EBF4: variants seen among roughly 807,000 people sequenced by gnomAD.
The protein encoded by EBF4 is EBF transcription factor 4.
A neutral mutation model predicts 67.1 loss-of-function variants in EBF4; 34 were observed. The ratio of observed to expected loss-of-function variants is 0.51; its 90% CI spans 0.39 to 0.67. EBF4 has a LOEUF of 0.67. Among genes scored for constraint, EBF4 ranks in the 30% least tolerant of loss-of-function variants. The pLI is 0.00. For missense variants in EBF4, 837 were observed against 873.3 expected (o/e 0.96, Z 0.52); for synonymous variants, 387 against 377.7 (o/e 1.02, Z -0.29).
chr20:2,709,097 G>T (rs2146393294), intron 5 of EBF4, among the ~76,000 whole-genome samples: 1 of 152,296 alleles, frequency 6.6e-6, no homozygotes, highest in Non-Finnish European at 1.5e-5. Flanking sequence ...TGAGGCACAA[G>T]AATTGCCTGA....
intron 6 of EBF4, among the ~76,000 whole-genome samples, chr20:2,733,527 C>T (rs1385643508): frequency 6.6e-6 from 1 of 152,186 alleles, no homozygotes; most frequent in East Asian, 1.9e-4. Context: ...TCTCTACTCT[C>T]CTTCTCAGAT....
downstream of EBF4, chr20:2,759,439 C>T (rs2088293220): frequency 4.6e-6 from 1 of 215,734 alleles, no homozygotes; most frequent in South Asian, 8.6e-5. Context: ...CTAGCAGCCC[C>T]ACAGGCTTCT....
At chr20:2,711,659 T>C (rs931698762) in intron 6 of EBF4, among the ~76,000 whole-genome samples, 1 of 152,214 alleles carries the variant, frequency 6.6e-6, no homozygotes, top group East Asian at 1.9e-4. Context: ...ATCTACTCTG[T>C]GCTAAGAACT....
In EBF4 at chr20:2,747,566, A is replaced by C. The variant is rs909383438; in HGVS notation, c.558-983A>C. Among the ~76,000 whole-genome samples the C allele has an allele frequency of 1.3e-5, 2 of 152,176 alleles. No homozygotes were observed. Among genetic ancestry groups the C allele is most frequent in the Non-Finnish European group, 2.9e-5 (2 of 68,040 alleles). ...GTACCACATGTCTGACAGATACACC[A>C]TGTGTATATGGTGGGTATGTGCTCT... On this transcript the variant is annotated intron_variant, in intron 6 of 16. Coordinates refer to ENST00000609451, the Ensembl canonical transcript of EBF4. This position sits in a 1 kb window ranked among gnomAD's most constrained non-coding sequence, Gnocchi z 4.6.
chr20:2,736,011 T>C (rs1466585369), intron 6 of EBF4, among the ~76,000 whole-genome samples: 1 of 152,198 alleles, frequency 6.6e-6, no homozygotes, highest in African/African-American at 2.4e-5. Flanking sequence ...GCCACACATA[T>C]TTATTGGGCA....
intron 6 of EBF4, among the ~76,000 whole-genome samples, chr20:2,717,188 T>C (rs1568572958): frequency 6.6e-6 from 1 of 152,210 alleles, no homozygotes; most frequent in Admixed American, 6.5e-5. Context: ...CTTTCACTAA[T>C]TCATTTATTC....
intron 6 of EBF4, among the ~76,000 whole-genome samples, chr20:2,744,327 A>C (rs2088014784): frequency 6.6e-6 from 1 of 152,044 alleles, no homozygotes; most frequent in Non-Finnish European, 1.5e-5. Flanking sequence ...ACAAATTAGC[A>C]CTTAACTTTA....
intron 6 of EBF4, among the ~76,000 whole-genome samples, chr20:2,710,207 G>C (rs374347326): frequency 5.3e-5 from 8 of 152,180 alleles, no homozygotes; most frequent in African/African-American, 1.9e-4. Flanking sequence ...AAAGTGCAGT[G>C]GTGTGGTCAT....
rs938009709 is a variant in EBF4 at position 2,707,199 on chromosome 20, G to A, written c.415-748G>A. Among the ~76,000 whole-genome samples, 1 of 152,078 alleles carries A rather than the reference G, an allele frequency of 6.6e-6. No homozygotes were observed. The stretch of plus-strand genomic sequence containing the variant: ...CATGGCCACTGGGCTGGGGGAGGCA[G>A]GCCAGGCAGTGCCTAGTGGAACTGT... On this transcript the variant is annotated intron_variant, in intron 4 of 16. Coordinates refer to ENST00000609451, the Ensembl canonical transcript of EBF4. This position sits in a 1 kb window ranked among gnomAD's most constrained non-coding sequence, Gnocchi z 4.6.
intron 6 of EBF4, among the ~76,000 whole-genome samples, chr20:2,721,282 GT>G (rs1376554776): frequency 2.8e-5 from 3 of 105,930 alleles, no homozygotes; most frequent in African/African-American, 1.1e-4. Flanking sequence ...TTTTCCCTCT[GT>G]GTTCGTTCTG....
chr20:2,722,493 G>A lies in EBF4; in HGVS notation c.557+12851G>A, dbSNP rs79024350. ...ACTAAATGTTCAAGGAGGTTCCTCC[G>A]CAAATCTCTAGGATACTCTTTGTAT... On this transcript the variant is annotated intron_variant, in intron 6 of 16. Transcript: ENST00000609451. Among the ~76,000 whole-genome samples, 224 of 152,172 alleles carry A rather than the reference G, an allele frequency of 1.5e-3. 1 individual carries two copies. Among genetic ancestry groups the A allele is most frequent in the African/African-American group, 5.2e-3 (216 of 41,526 alleles).
At chr20:2,754,470 C>G (rs1006444889) in intron 14 of EBF4, among the ~76,000 whole-genome samples, 1 of 152,146 alleles carries the variant, frequency 6.6e-6, no homozygotes, top group East Asian at 1.9e-4. Flanking sequence ...GGTCTCAAGC[C>G]CTTCATCGGG....
chr20:2,700,539 A>T (rs2087359344), intron 1 of EBF4, among the ~76,000 whole-genome samples: 1 of 152,194 alleles, frequency 6.6e-6, no homozygotes, highest in Admixed American at 6.5e-5. Context: ...TCTCTAAGCC[A>T]GTCTGAGAGC....
rs532820882 is a variant in EBF4, at chr20:2,747,546, A to C, written c.558-1003A>C. Reference sequence around the variant, plus strand: ...AAGACATTCACGGTGTCTCTGTACCACATGTCTGACAGATACACCATGTGT... The same window carrying C: ...AAGACATTCACGGTGTCTCTGTACCCCATGTCTGACAGATACACCATGTGT... On this transcript the variant is annotated intron_variant, in intron 6 of 16. Coordinates refer to ENST00000609451, the Ensembl canonical transcript of EBF4. The surrounding 1 kb of genome is among the most constrained non-coding windows in gnomAD (Gnocchi z 4.6). Among the ~76,000 whole-genome samples the C allele has an allele frequency of 2.0e-5, 3 of 152,296 alleles. No homozygotes were observed. The highest frequency in any genetic ancestry group is 2.0e-4 in the Admixed American group (3 of 15,294).
chr20:2,744,082 T>A (rs6138880), intron 6 of EBF4, among the ~76,000 whole-genome samples: 18,784 of 122,560 alleles, frequency 0.15, 1,317 homozygotes, highest in East Asian at 0.25. Context: ...TTTATTTTTT[T>A]TATTTTTTTT....
intron 5 of EBF4, 84 bp downstream of exon 5, chr20:2,708,104 C>T: frequency 2.8e-6 from 4 of 1,406,056 alleles, no homozygotes; most frequent in Non-Finnish European, 3.9e-6. Flanking sequence ...CCTCGCCGCC[C>T]TTGCCCCTGG....
intron 6 of EBF4, among the ~76,000 whole-genome samples, chr20:2,748,106 T>C (rs1445004308): frequency 6.6e-6 from 1 of 152,180 alleles, no homozygotes; most frequent in Non-Finnish European, 1.5e-5. Flanking sequence ...CTGTGACGTA[T>C]ACACAGTGTG....
intron 14 of EBF4, 35 bp downstream of exon 14, chr20:2,752,580 G>A: frequency 8.1e-7 from 1 of 1,228,586 alleles, no homozygotes; most frequent in Non-Finnish European, 1.0e-6. Flanking sequence ...AAGGTCTGGG[G>A]CCGGGGAGCG....
At chr20:2,716,475 GC>G (rs1241666673) in intron 6 of EBF4, among the ~76,000 whole-genome samples, 1 of 150,726 alleles carries the variant, frequency 6.6e-6, no homozygotes, top group Non-Finnish European at 1.5e-5. Context: ...GTTGTGGTGA[GC>G]CGAGATCGTG....
Sources: gnomAD v4.1 joint callset for allele counts (sites outside exome capture counted in the v4.1 genomes callset) on GRCh38, gnomAD v4.1.1 for gene constraint, Gnocchi (gnomAD v3.1) non-coding constraint, MANE v1.5 for transcripts, NCBI Gene and HGNC (gene_info 2026-07-23, HGNC 2026-07-21) for gene names.